Variants in ULK4 observed in about 807,000 individuals in gnomAD.
ULK4 encodes the protein inactive serine/threonine-protein kinase ULK4.
A neutral mutation model predicts 160.6 loss-of-function variants in ULK4; 133 were observed. The observed-to-expected ratio is 0.83, with a 90% confidence interval of 0.72 to 0.96. The LOEUF is 0.96. Among genes scored for constraint, ULK4 ranks in the 40% least tolerant of loss-of-function variants. The probability of loss-of-function intolerance (pLI) is 0.00; values close to 1 mark genes in which losing one functional copy is unlikely to be tolerated. For synonymous variants in ULK4, 534 were observed against 539.8 expected (o/e 0.99, Z 0.15); for missense variants, 1,580 against 1,499.5 (o/e 1.05, Z -0.89).
At chr3:41,407,162 C>T (rs1313103603) in intron 34 of ULK4, among the ~76,000 whole-genome samples, 1 of 152,128 alleles carries the variant, frequency 6.6e-6, no homozygotes, top group Non-Finnish European at 1.5e-5. Flanking sequence ...CTGGGTAGCA[C>T]ATTATCAATT....
chr3:41,647,553 A>G (rs182109577), intron 30 of ULK4, among the ~76,000 whole-genome samples: 225 of 152,224 alleles, frequency 1.5e-3, no homozygotes, highest in African/African-American at 5.2e-3. Flanking sequence ...TTCCTCTGGA[A>G]GTTTTGTCTC....
chr3:41,303,766 C>A (rs2079844146), intron 35 of ULK4, among the ~76,000 whole-genome samples: 1 of 152,046 alleles, frequency 6.6e-6, no homozygotes, highest in Non-Finnish European at 1.5e-5. Context: ...GGGACTACAT[C>A]TGTGCTGGGA....
intron 22 of ULK4, among the ~76,000 whole-genome samples, chr3:41,735,325 T>C (rs2037990288): frequency 1.3e-5 from 2 of 152,142 alleles, no homozygotes; most frequent in African/African-American, 4.8e-5. Flanking sequence ...ATGGCCCATT[T>C]ATATTGTGTA....
At chr3:41,898,637 G>A (rs1698249349) in intron 13 of ULK4, 145 bp from the exon 14 acceptor site, 1 of 537,766 alleles carries the variant, frequency 1.9e-6, no homozygotes, top group Admixed American at 3.5e-5. Context: ...TAAGAACAAT[G>A]ACTTTTCGGA....
intron 20 of ULK4, among the ~76,000 whole-genome samples, chr3:41,799,297 A>G (rs1452143414): frequency 6.6e-6 from 1 of 152,230 alleles, no homozygotes; most frequent in Non-Finnish European, 1.5e-5. Flanking sequence ...AATTGATACA[A>G]GCATGTTAAC....
At chr3:41,691,991 A>G (rs1346623461) in intron 27 of ULK4, among the ~76,000 whole-genome samples, 1 of 117,048 alleles carries the variant, frequency 8.5e-6, no homozygotes, top group Non-Finnish European at 1.6e-5. Flanking sequence ...TCGCTCTTTC[A>G]CCCAGGCTGG....
chr3:41,504,626 G>A (rs1257824858), intron 32 of ULK4, among the ~76,000 whole-genome samples: 2 of 151,996 alleles, frequency 1.3e-5, no homozygotes, highest in African/African-American at 4.8e-5. Flanking sequence ...CTAATCATAT[G>A]TTTAATTTTA....
chr3:41,831,531 A>ATATATATATATATATATATTTTTTTTTTT, intron 18 of ULK4, among the ~76,000 whole-genome samples: 36 of 138,076 alleles, frequency 2.6e-4, no homozygotes, highest in Non-Finnish European at 4.5e-4. Flanking sequence ...ATATATATAT[A>ATATATATATATATATATATTTTTTTTTTT]TTTTTTTTTC....
In ULK4 at chr3:41,944,968, T is replaced by G. The variant is rs985806268; in HGVS notation, c.139-6771A>C. ...ATATTTTTAGTTACAGAGAACAGAATATATTCTGGCTAACAAAAGGACTTC... is the reference window on the plus strand; with the variant it reads ...ATATTTTTAGTTACAGAGAACAGAAGATATTCTGGCTAACAAAAGGACTTC... On this transcript the variant is annotated intron_variant, in intron 2 of 36. Transcript: ENST00000301831. 2.0e-5 allele frequency among the ~76,000 whole-genome samples: 3 copies of G among 152,316 alleles called. No individual in the cohort carries two copies. In the Middle Eastern group the frequency reaches 0.01, roughly 518 times the overall value.
chr3:41,294,522 G>C (rs952622701), intron 35 of ULK4, among the ~76,000 whole-genome samples: 1 of 152,186 alleles, frequency 6.6e-6, no homozygotes, highest in African/African-American at 2.4e-5. Context: ...GTTGGTAGGA[G>C]AGAATCATGA....
At chr3:41,435,855 G>A (rs1225537040) in intron 34 of ULK4, among the ~76,000 whole-genome samples, 1 of 152,140 alleles carries the variant, frequency 6.6e-6, no homozygotes, top group East Asian at 1.9e-4. Context: ...GCTGAGGCAG[G>A]AGAATCAATT....
At chr3:41,956,821 T>C (rs1700500819) in intron 1 of ULK4, among the ~76,000 whole-genome samples, 1 of 152,240 alleles carries the variant, frequency 6.6e-6, no homozygotes, top group African/African-American at 2.4e-5. Flanking sequence ...TGCTTATGGC[T>C]GCTTTCAAAC....
At chr3:41,355,099 A>G (rs1280816756) in intron 35 of ULK4, among the ~76,000 whole-genome samples, 3 of 152,200 alleles carry the variant, frequency 2.0e-5, no homozygotes, top group Non-Finnish European at 4.4e-5. Context: ...GGTAAAGACA[A>G]TTACCTTTTC....
At chr3:41,862,119 A>G (rs1043337298) in intron 17 of ULK4, among the ~76,000 whole-genome samples, 2 of 152,142 alleles carry the variant, frequency 1.3e-5, no homozygotes, top group African/African-American at 4.8e-5. Flanking sequence ...GGTATTTTCA[A>G]TTAGGCAGTC....
chr3:41,959,509 G>A (rs1255959858), intron 1 of ULK4, among the ~76,000 whole-genome samples: 2 of 151,944 alleles, frequency 1.3e-5, no homozygotes, highest in African/African-American at 2.4e-5. Flanking sequence ...TGGGTGACAA[G>A]AGACTCCATA....
intron 30 of ULK4, among the ~76,000 whole-genome samples, chr3:41,623,825 T>C (rs2033365593): frequency 6.6e-6 from 1 of 152,194 alleles, no homozygotes; most frequent in African/African-American, 2.4e-5. Flanking sequence ...AGATTTTAAG[T>C]GTTCCCACCA....
intron 21 of ULK4, among the ~76,000 whole-genome samples, chr3:41,759,224 G>A (rs1271934224): frequency 6.6e-6 from 1 of 152,060 alleles, no homozygotes; most frequent in Non-Finnish European, 1.5e-5. Context: ...AGATTTGAAT[G>A]AAAGAAATAT....
At chr3:41,748,020 G>A (rs1468752908) in intron 22 of ULK4, among the ~76,000 whole-genome samples, 2 of 151,838 alleles carry the variant, frequency 1.3e-5, no homozygotes, top group Admixed American at 1.3e-4. Context: ...ACATTTTTGA[G>A]TCAAATTAAG....
intron 30 of ULK4, among the ~76,000 whole-genome samples, chr3:41,625,001 T>G (rs187585273): frequency 1.5e-3 from 227 of 152,334 alleles, no homozygotes; most frequent in African/African-American, 5.1e-3. Context: ...CTATGACTTA[T>G]GAACTCACCT....
Sources: gnomAD v4.1 joint callset for allele counts (sites outside exome capture counted in the v4.1 genomes callset) on GRCh38, gnomAD v4.1.1 for gene constraint, MANE v1.5 for transcripts, NCBI Gene and HGNC (gene_info 2026-07-23, HGNC 2026-07-21) for gene names.